The following PLCH1 variants were observed in gnomAD, a reference collection of about 807,000 sequenced individuals.
PLCH1 encodes the protein phospholipase C eta 1.
PLCH1 carries 60 observed loss-of-function variants against 126.7 expected under a neutral mutation model. The ratio of observed to expected loss-of-function variants is 0.47; its 90% CI spans 0.38 to 0.59. The LOEUF is 0.59. Ranked by LOEUF, PLCH1 falls within the 20% of genes least tolerant of loss-of-function variation. The probability of loss-of-function intolerance (pLI) is 0.00; values close to 1 mark genes in which losing one functional copy is unlikely to be tolerated. For missense variants in PLCH1, 1,723 were observed against 2,040.0 expected, an observed-to-expected ratio of 0.84 and a Z score of 2.99; for synonymous variants, 719 against 734.9, an observed-to-expected ratio of 0.98 and a Z score of 0.35.
intron 18 of PLCH1, among the ~76,000 whole-genome samples, chr3:155,491,526 G>A (rs981921772): frequency 1.4e-4 from 21 of 152,156 alleles, no homozygotes; most frequent in African/African-American, 5.1e-4. Flanking sequence ...GCCTCTCAAA[G>A]TGCTGGGATT....
chr3:155,538,088 A>T (rs1723693811), intron 10 of PLCH1, among the ~76,000 whole-genome samples: 1 of 152,202 alleles, frequency 6.6e-6, no homozygotes, highest in South Asian at 2.1e-4. Flanking sequence ...AATGGACTCC[A>T]AAAGGAACCC....
chr3:155,640,360 G>C (rs184672280), intron 2 of PLCH1, among the ~76,000 whole-genome samples: 159 of 152,298 alleles, frequency 1.0e-3, no homozygotes, highest in Admixed American at 3.9e-3. Flanking sequence ...AAAATGGCAG[G>C]GTGGAAGAAA....
Position 155,492,783 on chromosome 3 carries a change from G to A in PLCH1, c.2253C>T (p.Ile751=). ...NPKKQLILKV[I]SGQQLPKPPD... is the part of the protein sequence containing the mutation. ...GAGGTTTGGGGAGTTGCTGTCCACT[G>A]ATAACTTTCAGGATGAGCTGCTTTT... The change falls in exon 18 of 23, where the codon ATC becomes ATT. Residue 751 remains isoleucine, a synonymous_variant. Transcript: ENST00000460012. 6.2e-7 allele frequency: 1 copy of A among 1,606,612 alleles called. No individual in the cohort carries two copies. Among genetic ancestry groups the A allele is most frequent in the Non-Finnish European group, 8.5e-7 (1 of 1,176,926 alleles).
At chr3:155,702,561 G>T (rs1746355440) in intron 2 of PLCH1, among the ~76,000 whole-genome samples, 1 of 151,920 alleles carries the variant, frequency 6.6e-6, no homozygotes. Flanking sequence ...ATAAGTATCT[G>T]CAATATAGTA....
At chr3:155,690,944 C>A (rs1745333197) in intron 2 of PLCH1, among the ~76,000 whole-genome samples, 1 of 152,132 alleles carries the variant, frequency 6.6e-6, no homozygotes, top group Non-Finnish European at 1.5e-5. Flanking sequence ...CAGTGGACAC[C>A]AACTCTTAGC....
At chr3:155,585,662 T>C (rs187371420) in intron 5 of PLCH1, among the ~76,000 whole-genome samples, 1 of 152,332 alleles carries the variant, frequency 6.6e-6, no homozygotes, top group East Asian at 1.9e-4. Flanking sequence ...TACTAAATCC[T>C]GAACTCCTCA....
chr3:155,458,486 GAAAGA>G (rs1712564180), intron 21 of PLCH1, among the ~76,000 whole-genome samples: 1 of 97,956 alleles, frequency 1.0e-5, no homozygotes, highest in African/African-American at 9.6e-5. Flanking sequence ...AAGAAAGAAA[GAAAGA>G]AAGAAAGAGA....
At chr3:155,638,480 C>T (rs959676176) in intron 2 of PLCH1, among the ~76,000 whole-genome samples, 1 of 152,218 alleles carries the variant, frequency 6.6e-6, no homozygotes, top group Non-Finnish European at 1.5e-5. Context: ...AGACTTTAAA[C>T]ATGCAGAAGA....
At chr3:155,472,817 A>C (rs1294087252) in intron 21 of PLCH1, among the ~76,000 whole-genome samples, 1 of 151,200 alleles carries the variant, frequency 6.6e-6, no homozygotes, top group Non-Finnish European at 1.5e-5. Context: ...AACAGAGCCA[A>C]AGACAAAAAC....
At position 155,528,346 on chromosome 3, in the gene PLCH1, T is replaced by G. The variant is rs528920865; in HGVS notation, c.1363-4342A>C. Among the ~76,000 whole-genome samples the G allele has an allele frequency of 4.6e-5, 7 of 152,220 alleles. No homozygotes were observed. The South Asian group carries it at 1.2e-3, about 27-fold the overall frequency. On this transcript the variant is annotated intron_variant, in intron 10 of 22. Transcript: ENST00000460012. ...TTTAGGTCCTATTGATATAGAAAGC[T>G]CCTAAAAATCAGTTTTTCTATTTTT...
intron 2 of PLCH1, among the ~76,000 whole-genome samples, chr3:155,700,543 A>G (rs979014420): frequency 1.3e-5 from 2 of 152,222 alleles, no homozygotes; most frequent in Non-Finnish European, 2.9e-5. Flanking sequence ...TTTTCCCATA[A>G]GAAGTTGAGA....
chr3:155,466,443 C>T (rs1236012732), intron 21 of PLCH1, among the ~76,000 whole-genome samples: 2 of 152,148 alleles, frequency 1.3e-5, no homozygotes, highest in African/African-American at 2.4e-5. Context: ...GCTTGGAGTG[C>T]CCTCTAAAGC....
rs71624571 is a variant in PLCH1 at position 155,741,684 on chromosome 3, C to CTTTTTTTTTTTTTTTTTTTTTTTTTTT, written c.-41+3155_-41+3156insAAAAAAAAAAAAAAAAAAAAAAAAAAA. On this transcript the variant is annotated intron_variant, in intron 1 of 22. Coordinates refer to ENST00000460012, the MANE Select transcript of PLCH1 (RefSeq NM_014996.4). ...TCCTTTTATCATAATTTTATATCCTCTTTTTTTTTTTTTTTTTTTTGTTCA... is the reference window on the plus strand; with the variant it reads ...TCCTTTTATCATAATTTTATATCCTCTTTTTTTTTTTTTTTTTTTTTTTTTTTTTTTTTTTTTTTTTTTTTTTGTTCA... 5.0e-4 allele frequency among the ~76,000 whole-genome samples: 51 copies of CTTTTTTTTTTTTTTTTTTTTTTTTTTT among 102,856 alleles called. 6 individuals are homozygous for CTTTTTTTTTTTTTTTTTTTTTTTTTTT. The highest frequency in any genetic ancestry group is 2.2e-3 in the African/African-American group (45 of 20,890). 67.5% of individuals were successfully genotyped at this position (102,856 alleles called of 152,430 possible).
intron 7 of PLCH1, among the ~76,000 whole-genome samples, chr3:155,567,696 G>C (rs1247187116): frequency 7.2e-5 from 11 of 152,156 alleles, no homozygotes; most frequent in African/African-American, 2.7e-4. Context: ...TCAGGAGCTA[G>C]ATTCTGGGTA....
At chr3:155,739,507 C>G (rs1289936715) in intron 1 of PLCH1, among the ~76,000 whole-genome samples, 1 of 152,050 alleles carries the variant, frequency 6.6e-6, no homozygotes, top group Non-Finnish European at 1.5e-5. Flanking sequence ...TTTCTGGAAC[C>G]AGACCTGAAT....
At chr3:155,707,016 T>C (rs11924959) in intron 1 of PLCH1, among the ~76,000 whole-genome samples, 3,249 of 152,180 alleles carry the variant, frequency 0.021, 133 homozygotes, top group African/African-American at 0.074. Context: ...GGACCTTTAG[T>C]CTCCACCCTT....
At chr3:155,503,648 A>G (rs1263402656) in intron 13 of PLCH1, among the ~76,000 whole-genome samples, 1 of 150,758 alleles carries the variant, frequency 6.6e-6, no homozygotes, top group African/African-American at 2.5e-5. Context: ...AGCAGTTCTC[A>G]TGCCTTAGCC....
chr3:155,539,246 G>C (rs1468630943), intron 10 of PLCH1, among the ~76,000 whole-genome samples: 1 of 151,946 alleles, frequency 6.6e-6, no homozygotes, highest in African/African-American at 2.4e-5. Flanking sequence ...GCATAGAAGG[G>C]ACATACCTTA....
chr3:155,488,547 A>T, intron 20 of PLCH1, 113 bp downstream of exon 20: 1 of 958,860 alleles, frequency 1.0e-6, no homozygotes, highest in Non-Finnish European at 1.5e-6. Context: ...CACATTTATT[A>T]CATGACACAT....
Sources: allele counts gnomAD v4.1 joint callset (sites outside exome capture counted in the v4.1 genomes callset), GRCh38; gene constraint gnomAD v4.1.1; transcripts MANE v1.5; gene names NCBI Gene and HGNC (gene_info 2026-07-23, HGNC 2026-07-21).